The following MAP3K5 variants were observed in gnomAD, a reference collection of about 807,000 sequenced individuals.
The protein encoded by MAP3K5 is mitogen-activated protein kinase kinase kinase 5, also known as ASK-1.
A neutral mutation model predicts 158.7 loss-of-function variants in MAP3K5; 56 were observed. The ratio of observed to expected loss-of-function variants is 0.35; its 90% CI spans 0.28 to 0.44. The LOEUF is 0.44. Among genes scored for constraint, MAP3K5 ranks in the 20% least tolerant of loss-of-function variants. The pLI is 1.00. For synonymous variants in MAP3K5, 579 were observed against 601.7 expected (o/e 0.96, Z 0.55); for missense variants, 1,294 against 1,674.8 (o/e 0.77, Z 3.97).
intron 8 of MAP3K5, among the ~76,000 whole-genome samples, chr6:136,662,780 A>T (rs771386345): frequency 6.6e-6 from 1 of 152,206 alleles, no homozygotes; most frequent in Non-Finnish European, 1.5e-5. Context: ...GTACCTTTTT[A>T]ACCAAGTCCT....
chr6:136,787,004 T>C (rs144706500), intron 1 of MAP3K5, among the ~76,000 whole-genome samples: 5 of 152,204 alleles, frequency 3.3e-5, no homozygotes, highest in South Asian at 2.1e-4. Flanking sequence ...CATGTAAACG[T>C]TGAGACCTTC....
intron 1 of MAP3K5, among the ~76,000 whole-genome samples, chr6:136,728,385 GT>G (rs1782067589): frequency 6.6e-6 from 1 of 152,098 alleles, no homozygotes; most frequent in Non-Finnish European, 1.5e-5. Context: ...CTCCAAGTCA[GT>G]TTTCTAAAGT....
At chr6:136,640,089 A>C (rs753544692) in intron 12 of MAP3K5, among the ~76,000 whole-genome samples, 8 of 152,194 alleles carry the variant, frequency 5.3e-5, no homozygotes, top group Non-Finnish European at 1.0e-4. Flanking sequence ...CATTATAGAG[A>C]TTTTAGAGGA....
chr6:136,571,131 C>A (rs1446966301), intron 25 of MAP3K5, among the ~76,000 whole-genome samples: 1 of 152,086 alleles, frequency 6.6e-6, no homozygotes. Flanking sequence ...TCAGCATGCA[C>A]CCCCCTATTC....
At chr6:136,619,854 G>A (rs977715744) in intron 15 of MAP3K5, among the ~76,000 whole-genome samples, 5 of 152,244 alleles carry the variant, frequency 3.3e-5, no homozygotes, top group African/African-American at 1.2e-4. Flanking sequence ...AGTAGATGTG[G>A]AGTGCAAGAG....
intron 1 of MAP3K5, among the ~76,000 whole-genome samples, chr6:136,726,598 A>G (rs1381232780): frequency 6.6e-6 from 1 of 152,196 alleles, no homozygotes; most frequent in Non-Finnish European, 1.5e-5. Flanking sequence ...GCCTCAAAAA[A>G]AAAAAGAATA....
intron 1 of MAP3K5, among the ~76,000 whole-genome samples, chr6:136,774,280 AT>A (rs1784323997): frequency 6.6e-6 from 1 of 152,012 alleles, no homozygotes; most frequent in African/African-American, 2.4e-5. Context: ...GCAAAACCCC[AT>A]CTCTACAAAA....
At chr6:136,620,410 C>T (rs564380253) in intron 15 of MAP3K5, among the ~76,000 whole-genome samples, 1 of 152,068 alleles carries the variant, frequency 6.6e-6, no homozygotes, top group Non-Finnish European at 1.5e-5. Flanking sequence ...GCGCATGTAC[C>T]CCCTGGTTCT....
At chr6:136,727,555 G>C (rs1782019349) in intron 1 of MAP3K5, among the ~76,000 whole-genome samples, 2 of 152,128 alleles carry the variant, frequency 1.3e-5, no homozygotes, top group African/African-American at 4.8e-5. Flanking sequence ...AATAGATTTG[G>C]GGATCAAATC....
chr6:136,733,020 G>C (rs1160654525), intron 1 of MAP3K5, among the ~76,000 whole-genome samples: 1 of 151,974 alleles, frequency 6.6e-6, no homozygotes, highest in African/African-American at 2.4e-5. Context: ...TCTTTTTTGA[G>C]ACAGGGTCTT....
chr6:136,689,975 AT>A lies in MAP3K5; in HGVS notation c.1253+4164del, dbSNP rs984413194. Reference sequence around the variant, plus strand: ...TCCTAAACTAAGTTGGCCTCCTTGAATTTTTTTTTAAAATCAAGGACTATTT... The same window carrying A: ...TCCTAAACTAAGTTGGCCTCCTTGAATTTTTTTTAAAATCAAGGACTATTT... On this transcript the variant is annotated intron_variant, in intron 7 of 29. Coordinates refer to ENST00000359015, the MANE Select transcript of MAP3K5 (RefSeq NM_005923.4). Among the ~76,000 whole-genome samples, 5 of 151,776 alleles carry A rather than the reference AT, an allele frequency of 3.3e-5. No individual in the cohort carries two copies. In the East Asian group the frequency reaches 5.8e-4, roughly 18 times the overall value.
chr6:136,669,498 T>C (rs1028156053), intron 7 of MAP3K5, 103 bp from the exon 8 acceptor site: 4 of 688,316 alleles, frequency 5.8e-6, no homozygotes, highest in Non-Finnish European at 1.0e-5. Flanking sequence ...CAAGTAAAAA[T>C]ATTGCACTGG....
At chr6:136,579,883 T>C (rs1295436614) in intron 25 of MAP3K5, 1 of 456,884 alleles carries the variant, frequency 2.2e-6, no homozygotes, top group East Asian at 6.9e-5. Flanking sequence ...TTGAAAGCTG[T>C]AATTTTAAAG....
chr6:136,761,736 A>G (rs2114971222), intron 1 of MAP3K5, among the ~76,000 whole-genome samples: 1 of 152,308 alleles, frequency 6.6e-6, no homozygotes, highest in East Asian at 1.9e-4. Context: ...CTGCTGTGCT[A>G]GCAAATTTAG....
chr6:136,632,080 G>A (rs1777385641), intron 14 of MAP3K5, among the ~76,000 whole-genome samples: 1 of 152,184 alleles, frequency 6.6e-6, no homozygotes, highest in South Asian at 2.1e-4. Context: ...TTGGGCGTCT[G>A]CATGTCAAGC....
chr6:136,606,601 C>A (rs1776112126), intron 18 of MAP3K5, among the ~76,000 whole-genome samples: 1 of 152,184 alleles, frequency 6.6e-6, no homozygotes, highest in African/African-American at 2.4e-5. Flanking sequence ...AGCAATGAGT[C>A]AGGAGCATGA....
intron 1 of MAP3K5, among the ~76,000 whole-genome samples, chr6:136,751,969 C>T (rs559815444): frequency 6.6e-6 from 1 of 152,294 alleles, no homozygotes; most frequent in South Asian, 2.1e-4. Flanking sequence ...ATAGAAACAT[C>T]TCTGGTATTA....
Position 136,614,271 on chromosome 6 carries a change from C to T in MAP3K5, c.2166G>A (p.Leu722=). Residue 722 remains leucine (L), a synonymous_variant, in exon 16 of 30, where the codon CTG becomes CTA. Transcript: ENST00000359015. ...PERDSRYSQP[L]HEEIALHKHL... The stretch of plus-strand genomic sequence containing the variant: ...GTTTATGCAATGCTATTTCTTCATG[C>T]AGGGGCTGAGAGTATCTAAAAGACA... 2 of 1,613,348 alleles carry T rather than the reference C, an allele frequency of 1.2e-6. No individual in the cohort carries two copies. The highest frequency in any genetic ancestry group is 1.7e-6 in the Non-Finnish European group (2 of 1,179,636).
intron 14 of MAP3K5, chr6:136,636,777 TATAAAA>T: frequency 3.2e-6 from 3 of 940,672 alleles, no homozygotes; most frequent in Non-Finnish European, 3.8e-6. Context: ...AACAAGTCTC[TATAAAA>T]ATAAAAATAA....
Sources: gnomAD v4.1 joint callset for allele counts (sites outside exome capture counted in the v4.1 genomes callset) on GRCh38, gnomAD v4.1.1 for gene constraint, MANE v1.5 for transcripts, NCBI Gene and HGNC (gene_info 2026-07-23, HGNC 2026-07-21) for gene names.